The following TSNARE1 variants were observed in gnomAD, a reference collection of about 807,000 sequenced individuals.
The protein encoded by TSNARE1 is t-SNARE domain-containing protein 1.
In TSNARE1, 49 loss-of-function variants were observed where a neutral mutation model predicts 62.0. The observed-to-expected ratio is 0.79, with a 90% CI of 0.63 to 1.00. The LOEUF is 1.00. Ranked by LOEUF, TSNARE1 falls within the 50% of genes least tolerant of loss-of-function variation. TSNARE1 has a pLI of 0.00. For missense variants in TSNARE1, 755 were observed against 700.1 expected (o/e 1.08, Z -0.88); for synonymous variants, 328 against 294.4 (o/e 1.11, Z -1.17).
In TSNARE1 at chr8:142,326,777, A is replaced by G. The variant is rs185989035; in HGVS notation, c.893+4124T>C. ...AGAAGGAATCAACTCAACAGTAAAA[A>G]GAAAAATACCCGATCAGGACATGGG... On this transcript the variant is annotated intron_variant, in intron 6 of 13. Transcript: ENST00000524325. 1.8e-3 allele frequency among the ~76,000 whole-genome samples: 277 copies of G among 152,392 alleles called. 2 individuals carry two copies. The highest frequency in any genetic ancestry group is 6.2e-3 in the African/African-American group (258 of 41,598).
chr8:142,385,516 A>G (rs1837054067), intron 1 of TSNARE1, among the ~76,000 whole-genome samples: 1 of 152,218 alleles, frequency 6.6e-6, no homozygotes. Flanking sequence ...AGCCCTGACT[A>G]TGGAGTAATG....
At chr8:142,383,749 G>A (rs1356187125) in intron 1 of TSNARE1, among the ~76,000 whole-genome samples, 4 of 152,164 alleles carry the variant, frequency 2.6e-5, no homozygotes, top group Admixed American at 2.0e-4. Context: ...TGAGGAAACT[G>A]ACCTCGAGTG....
At chr8:142,257,932 G>A (rs909824133) in intron 12 of TSNARE1, among the ~76,000 whole-genome samples, 7 of 151,990 alleles carry the variant, frequency 4.6e-5, no homozygotes, top group East Asian at 1.9e-4. Flanking sequence ...GCACGCATAC[G>A]CACACAACAC....
At chr8:142,220,053 G>A (rs1483311660) in intron 13 of TSNARE1, among the ~76,000 whole-genome samples, 5 of 152,212 alleles carry the variant, frequency 3.3e-5, no homozygotes, top group Admixed American at 6.5e-5. Flanking sequence ...GAAAGAAACC[G>A]CCGCTGTGTC....
At chr8:142,314,749 G>A (rs1828258456) in intron 8 of TSNARE1, among the ~76,000 whole-genome samples, 1 of 152,360 alleles carries the variant, frequency 6.6e-6, no homozygotes, top group East Asian at 1.9e-4. Flanking sequence ...AGCAGGGTGA[G>A]ACTTGTTCTT....
chr8:142,297,760 C>T (rs544603276), intron 10 of TSNARE1, among the ~76,000 whole-genome samples: 251 of 152,348 alleles, frequency 1.6e-3, no homozygotes, highest in African/African-American at 5.8e-3. Flanking sequence ...TTACTGTCAC[C>T]GGGACCTGCT....
At position 142,217,975 on chromosome 8, in the gene TSNARE1, ATCAGGGC is replaced by A. The variant is rs1346341804; in HGVS notation, c.*12-5669_*12-5663del. Among the ~76,000 whole-genome samples the A allele has an allele frequency of 5.1e-4, 47 of 91,430 alleles. 2 individuals carry two copies. The highest frequency in any genetic ancestry group is 6.9e-4 in the African/African-American group (14 of 20,178). The allele number at this position is 91,430 out of a possible 152,430, so 60.0% of individuals were successfully genotyped here. ...GATCAGGGCTCAGTGTGTGACCAGG[ATCAGGGC>A]TCAGAGTATGAGCAGGATCAGGGCT... On this transcript the variant is annotated intron_variant, in intron 13 of 13. Transcript: ENST00000524325.
intron 13 of TSNARE1, among the ~76,000 whole-genome samples, chr8:142,215,582 G>T (rs1463723950): frequency 6.6e-6 from 1 of 152,108 alleles, no homozygotes; most frequent in Non-Finnish European, 1.5e-5. Context: ...TCGAACCTGA[G>T]AACCCCCAGG....
At chr8:142,308,953 G>T (rs1373000940) in intron 9 of TSNARE1, among the ~76,000 whole-genome samples, 1 of 152,128 alleles carries the variant, frequency 6.6e-6, no homozygotes, top group Admixed American at 6.5e-5. Context: ...CCCCTCCGTG[G>T]TTTAGGTCAT....
At chr8:142,359,201 T>C (rs1197636432) in intron 1 of TSNARE1, among the ~76,000 whole-genome samples, 3 of 151,920 alleles carry the variant, frequency 2.0e-5, no homozygotes, top group African/African-American at 7.3e-5. Flanking sequence ...GGTGCTCCCA[T>C]CCTGACCTTC....
intron 2 of TSNARE1, 54 bp downstream of exon 2, chr8:142,354,583 C>A: frequency 2.3e-6 from 3 of 1,293,080 alleles, no homozygotes; most frequent in Non-Finnish European, 3.3e-6. Context: ...AGGATCCTAC[C>A]CTACCCACTA....
chr8:142,345,686 C>G, intron 3 of TSNARE1, 57 bp downstream of exon 3: 2 of 1,490,482 alleles, frequency 1.3e-6, no homozygotes, highest in South Asian at 2.7e-5. Flanking sequence ...TCCTCAGCAC[C>G]TGCATCTCCA....
At chr8:142,280,343 C>A in intron 11 of TSNARE1, 1 of 985,128 alleles carries the variant, frequency 1.0e-6, no homozygotes, top group Non-Finnish European at 1.2e-6. Context: ...GCACCAGAGG[C>A]TGAGCAGGGG....
chr8:142,309,365 C>G (rs1248668220), intron 9 of TSNARE1, among the ~76,000 whole-genome samples: 1 of 152,184 alleles, frequency 6.6e-6, no homozygotes, highest in Admixed American at 6.5e-5. Context: ...TTTAACATCC[C>G]TCAGTAAGCC....
intron 9 of TSNARE1, 33 bp downstream of exon 9, chr8:142,314,351 A>G: frequency 6.2e-7 from 1 of 1,600,884 alleles, no homozygotes; most frequent in Middle Eastern, 1.7e-4. Context: ...GTCCCCTAAC[A>G]GCCACTGACC....
chr8:142,310,741 A>C (rs1827440590), intron 9 of TSNARE1, among the ~76,000 whole-genome samples: 1 of 152,176 alleles, frequency 6.6e-6, no homozygotes. Flanking sequence ...CTCTGACTTT[A>C]ATGTGCTCTT....
chr8:142,233,992 G>A (rs1055053855), intron 12 of TSNARE1, among the ~76,000 whole-genome samples: 3 of 152,228 alleles, frequency 2.0e-5, no homozygotes, highest in Non-Finnish European at 4.4e-5. Context: ...CGGATGAGGT[G>A]TGGCCACCCT....
intron 6 of TSNARE1, among the ~76,000 whole-genome samples, chr8:142,320,337 C>A (rs756189658): frequency 1.3e-5 from 2 of 152,124 alleles, no homozygotes; most frequent in Non-Finnish European, 2.9e-5. Context: ...TTCACCTCCC[C>A]ACACCACCCT....
intron 12 of TSNARE1, among the ~76,000 whole-genome samples, chr8:142,266,864 T>A (rs1243998631): frequency 6.6e-6 from 1 of 152,242 alleles, no homozygotes; most frequent in Non-Finnish European, 1.5e-5. Flanking sequence ...TCTGTCGTAG[T>A]TTCTATTTTC....
Sources: gnomAD v4.1 joint callset for allele counts (sites outside exome capture counted in the v4.1 genomes callset) on GRCh38, gnomAD v4.1.1 for gene constraint, MANE v1.5 for transcripts, NCBI Gene and HGNC (gene_info 2026-07-23, HGNC 2026-07-21) for gene names.